The following SNX10 variants were observed in gnomAD, a reference collection of about 807,000 sequenced individuals.
SNX10 encodes sorting nexin 10, also known as sorting nexin-10.
SNX10 carries 25 observed loss-of-function variants against 28.5 expected under a neutral mutation model. The observed-to-expected ratio is 0.88, with a 90% confidence interval of 0.64 to 1.22. The LOEUF (loss-of-function observed/expected upper bound fraction) is 1.22. Among genes scored for constraint, SNX10 ranks in the 50% most tolerant of loss-of-function variants. The pLI, the probability that SNX10 is intolerant of heterozygous loss-of-function variation, is 0.00. For missense variants in SNX10, 223 were observed against 242.6 expected (o/e 0.92, Z 0.54); for synonymous variants, 62 against 81.4 (o/e 0.76, Z 1.28).
chr7:26,308,088 T>C (rs956833127), intron 1 of SNX10, among the ~76,000 whole-genome samples: 2 of 152,196 alleles, frequency 1.3e-5, no homozygotes, highest in Non-Finnish European at 2.9e-5. Flanking sequence ...TATTATGATA[T>C]ATATGTTGGT....
At chr7:26,348,094 T>G (rs1436768875) in intron 2 of SNX10, among the ~76,000 whole-genome samples, 1 of 152,184 alleles carries the variant, frequency 6.6e-6, no homozygotes, top group Admixed American at 6.5e-5. Flanking sequence ...TGGATTTTTA[T>G]ATACCTGTGT....
intron 1 of SNX10, among the ~76,000 whole-genome samples, chr7:26,334,711 T>G (rs1217575360): frequency 6.6e-6 from 1 of 152,230 alleles, no homozygotes; most frequent in Non-Finnish European, 1.5e-5. Flanking sequence ...TTTAGATTGC[T>G]ATAAACTTTA....
At position 26,373,639 on chromosome 7, in the gene SNX10, A is replaced by G. The variant is rs1789662110; in HGVS notation, c.*1067A>G. 1 of 152,024 alleles carries G rather than the reference A, an allele frequency of 6.6e-6. No individual in the cohort carries two copies. The highest frequency in any genetic ancestry group is 1.5e-5 in the Non-Finnish European group (1 of 67,892). 9.4% of individuals were successfully genotyped at this position (152,024 alleles called of 1,614,324 possible). ...TCTTAGATAAACTATTTTGAAGTTC[A>G]GATTTCAGATGAGGCAACATTTTCT... On this transcript the variant is annotated 3_prime_UTR_variant, in exon 7 of 7. Coordinates refer to ENST00000338523, the MANE Select transcript of SNX10 (RefSeq NM_013322.3). The surrounding 1 kb of genome is among the most constrained non-coding windows in gnomAD (Gnocchi z 4.2).
Position 26,364,953 on chromosome 7 carries a change from C to A in SNX10, c.213-94C>A. 1.4e-6 allele frequency: 1 copy of A among 695,838 alleles called. No individual in the cohort carries two copies. Among genetic ancestry groups the A allele is most frequent in the South Asian group, 1.7e-5 (1 of 60,456 alleles). The allele number at this position is 695,838 out of a possible 1,614,324, so 43.1% of individuals were successfully genotyped here. On this transcript the variant is annotated intron_variant, in intron 4 of 6. Transcript: ENST00000338523. The surrounding 1 kb of genome is among the most constrained non-coding windows in gnomAD (Gnocchi z 4.9). ...TATAGAATAACTGTGTGATAATAAT[C>A]ATCATACATAATTTGCCTTCACTTT...
At chr7:26,293,828 G>A (rs567651109) in intron 1 of SNX10, among the ~76,000 whole-genome samples, 1 of 152,164 alleles carries the variant, frequency 6.6e-6, no homozygotes, top group East Asian at 1.9e-4. Flanking sequence ...CCTGAGTTAG[G>A]TAACCTAAAG....
rs192903915 is a variant in SNX10, at chr7:26,315,707, A to G, written c.-24+23621A>G. ...TTGCAAAATACTTGATAGGGTTTTA[A>G]AACTGCAAGATAGCGAATATAATAC... On this transcript the variant is annotated intron_variant, in intron 1 of 6. Transcript: ENST00000338523. Among the ~76,000 whole-genome samples, 768 of 152,236 alleles carry G rather than the reference A, an allele frequency of 5.0e-3. 3 individuals are homozygous for G. The highest frequency in any genetic ancestry group is 8.2e-3 in the Non-Finnish European group (557 of 68,004).
chr7:26,371,095 TTC>T (rs67620726), intron 5 of SNX10, among the ~76,000 whole-genome samples: 16,015 of 152,144 alleles, frequency 0.11, 1,998 homozygotes, highest in African/African-American at 0.31. Context: ...TTGAAATCTG[TTC>T]TGTCTTTGTA....
At chr7:26,313,085 G>A (rs1786915402) in intron 1 of SNX10, among the ~76,000 whole-genome samples, 1 of 152,194 alleles carries the variant, frequency 6.6e-6, no homozygotes. Context: ...ATAGTAGCAC[G>A]AGAATGTCTT....
chr7:26,319,960 A>G (rs756287185), intron 1 of SNX10, among the ~76,000 whole-genome samples: 6 of 151,178 alleles, frequency 4.0e-5, no homozygotes, highest in Admixed American at 6.6e-5. Flanking sequence ...TTGTATTTAT[A>G]TATTTGTTTA....
At chr7:26,349,998 T>A (rs1465488825) in intron 2 of SNX10, among the ~76,000 whole-genome samples, 1 of 152,212 alleles carries the variant, frequency 6.6e-6, no homozygotes, top group Non-Finnish European at 1.5e-5. Context: ...AGGGCTCACT[T>A]GGTGTAACTA....
intron 1 of SNX10, among the ~76,000 whole-genome samples, chr7:26,341,816 G>C (rs899412950): frequency 3.9e-5 from 6 of 151,916 alleles, no homozygotes; most frequent in Non-Finnish European, 8.8e-5. Context: ...AGACACATAA[G>C]GTAGCCTGGG....
At chr7:26,346,992 C>A (rs1182604312) in intron 2 of SNX10, among the ~76,000 whole-genome samples, 1 of 152,242 alleles carries the variant, frequency 6.6e-6, no homozygotes, top group Admixed American at 6.5e-5. Context: ...CTCATGCCAG[C>A]CCCGGCTGAG....
intron 5 of SNX10, among the ~76,000 whole-genome samples, chr7:26,366,161 G>T (rs1428975249): frequency 6.6e-6 from 1 of 152,150 alleles, no homozygotes; most frequent in African/African-American, 2.4e-5. Context: ...TCTTTTTCTA[G>T]TAGTTTCAGG....
At chr7:26,360,878 C>T in intron 2 of SNX10, 97 bp from the exon 3 acceptor site, 3 of 1,553,838 alleles carry the variant, frequency 1.9e-6, no homozygotes, top group Non-Finnish European at 2.6e-6. Context: ...GGTTAAAGCT[C>T]ATTTCAGTTT....
chr7:26,310,143 C>T (rs757392075), intron 1 of SNX10, among the ~76,000 whole-genome samples: 1 of 152,204 alleles, frequency 6.6e-6, no homozygotes, highest in South Asian at 2.1e-4. Context: ...CCTCACAAGA[C>T]GAATGATTAA....
At chr7:26,303,659 C>A (rs1469591009) in intron 1 of SNX10, among the ~76,000 whole-genome samples, 1 of 152,118 alleles carries the variant, frequency 6.6e-6, no homozygotes, top group Non-Finnish European at 1.5e-5. Context: ...CTTCTTTTCT[C>A]TATGTTTTCT....
intron 1 of SNX10, among the ~76,000 whole-genome samples, chr7:26,327,244 C>T (rs1318522026): frequency 1.3e-5 from 2 of 152,166 alleles, no homozygotes; most frequent in Non-Finnish European, 2.9e-5. Context: ...AACCACTGCG[C>T]CCGGGTCTTG....
At chr7:26,311,920 A>G (rs1786868079) in intron 1 of SNX10, among the ~76,000 whole-genome samples, 1 of 147,460 alleles carries the variant, frequency 6.8e-6, no homozygotes, top group East Asian at 1.9e-4. Context: ...AGATAAGAGA[A>G]CAGCTGGCAT....
In SNX10 at chr7:26,338,110, C is replaced by CT. The variant is rs55920968; in HGVS notation, c.-23-8290dup. Among the ~76,000 whole-genome samples the CT allele has an allele frequency of 3.7e-3, 478 of 129,242 alleles. 3 individuals carry two copies. Among genetic ancestry groups the CT allele is most frequent in the East Asian group, 0.015 (71 of 4,648 alleles). The allele number at this position is 129,242 out of a possible 152,430, so 84.8% of individuals were successfully genotyped here. ...AGAAACGTCTATCAATTCCTTTGTCCTTTTTTTTTTTTTTTTTTTTCTGTG... is the reference window on the plus strand; with the variant it reads ...AGAAACGTCTATCAATTCCTTTGTCCTTTTTTTTTTTTTTTTTTTTTCTGTG... On this transcript the variant is annotated intron_variant, in intron 1 of 6. Coordinates refer to ENST00000338523, the MANE Select transcript of SNX10 (RefSeq NM_013322.3).
Sources: allele counts gnomAD v4.1 joint callset (sites outside exome capture counted in the v4.1 genomes callset), GRCh38; gene constraint gnomAD v4.1.1; non-coding constraint Gnocchi (gnomAD v3.1); transcripts MANE v1.5; gene names NCBI Gene and HGNC (gene_info 2026-07-23, HGNC 2026-07-21).